Variants in HEMK2 observed in about 807,000 individuals in gnomAD.
HEMK2 encodes the protein methyltransferase HEMK2.
At chr21:28,639,476 A>T in the HEMK2 span, among the ~76,000 whole-genome samples, 2 of 152,230 alleles carry the variant, frequency 1.3e-5, no homozygotes, top group Non-Finnish European at 1.5e-5. Flanking sequence ...GAAATCAGGT[A>T]ATAATAGAAA....
At chr21:28,580,605 C>T in the HEMK2 span, among the ~76,000 whole-genome samples, 4 of 151,968 alleles carry the variant, frequency 2.6e-5, no homozygotes, top group Admixed American at 6.6e-5. Context: ...AAAGCAACAG[C>T]TTTAGTATGC....
At chr21:28,837,528 T>C in the HEMK2 span, among the ~76,000 whole-genome samples, 1 of 152,260 alleles carries the variant, frequency 6.6e-6, no homozygotes, top group East Asian at 1.9e-4. Context: ...TCAAAACCTC[T>C]GGGATACAGC....
the HEMK2 span, among the ~76,000 whole-genome samples, chr21:28,771,522 C>CCCA: frequency 1.7e-5 from 2 of 119,160 alleles, no homozygotes; most frequent in African/African-American, 5.7e-5. Flanking sequence ...TGCACCACCC[C>CCCA]CCCCCGCCAA....
chr21:28,725,253 T>C, the HEMK2 span, among the ~76,000 whole-genome samples: 1 of 152,168 alleles, frequency 6.6e-6, no homozygotes, highest in Admixed American at 6.5e-5. Context: ...ATCTATTCCA[T>C]GTAAGTAAGT....
the HEMK2 span, among the ~76,000 whole-genome samples, chr21:28,825,050 TA>T: frequency 6.6e-6 from 1 of 152,080 alleles, no homozygotes; most frequent in African/African-American, 2.4e-5. Context: ...AATGGGAGTT[TA>T]AGGTTAGTTA....
At chr21:28,881,082 T>C in the HEMK2 span, among the ~76,000 whole-genome samples, 1 of 152,226 alleles carries the variant, frequency 6.6e-6, no homozygotes. Context: ...ATTTGACATA[T>C]ATAAATTAAA....
chr21:28,601,785 T>C, the HEMK2 span, among the ~76,000 whole-genome samples: 3 of 152,210 alleles, frequency 2.0e-5, no homozygotes, highest in Middle Eastern at 3.2e-3. Context: ...ACACAGACTG[T>C]ATTTGTTGAA....
At chr21:28,786,646 G>C in the HEMK2 span, among the ~76,000 whole-genome samples, 2 of 150,656 alleles carry the variant, frequency 1.3e-5, no homozygotes, top group African/African-American at 4.9e-5. Context: ...ACTCCAGCCT[G>C]GGTGATAAGA....
At chr21:28,805,125 T>C in the HEMK2 span, among the ~76,000 whole-genome samples, 1 of 152,198 alleles carries the variant, frequency 6.6e-6, no homozygotes, top group Admixed American at 6.5e-5. Flanking sequence ...AATTAAACAA[T>C]TTATCAGGGC....
chr21:28,599,109 G>A, the HEMK2 span, among the ~76,000 whole-genome samples: 3 of 152,204 alleles, frequency 2.0e-5, no homozygotes, highest in Non-Finnish European at 4.4e-5. Context: ...ATATAGTTGA[G>A]AGGATTCAGA....
the HEMK2 span, among the ~76,000 whole-genome samples, chr21:28,696,758 T>G: frequency 6.6e-6 from 1 of 152,220 alleles, no homozygotes; most frequent in Non-Finnish European, 1.5e-5. Flanking sequence ...TACCTAGACA[T>G]CCAGGAATTT....
At chr21:28,722,095 G>A in the HEMK2 span, among the ~76,000 whole-genome samples, 1 of 151,654 alleles carries the variant, frequency 6.6e-6, no homozygotes, top group Non-Finnish European at 1.5e-5. Flanking sequence ...GCAAGGTTTT[G>A]CAAAAATTGA....
chr21:28,676,933 G>A, the HEMK2 span, among the ~76,000 whole-genome samples: 31 of 152,282 alleles, frequency 2.0e-4, no homozygotes, highest in African/African-American at 6.7e-4. Context: ...CAAGATGGCC[G>A]AATAGGAACA....
the HEMK2 span, among the ~76,000 whole-genome samples, chr21:28,676,951 T>C: frequency 7.2e-5 from 11 of 152,220 alleles, no homozygotes; most frequent in Admixed American, 6.5e-5. Flanking sequence ...ACAGCTCCAG[T>C]CTACAGCTCC....
chr21:28,776,486 G>T, the HEMK2 span, among the ~76,000 whole-genome samples: 8 of 152,314 alleles, frequency 5.3e-5, no homozygotes, highest in South Asian at 1.7e-3. Flanking sequence ...GTGGACTGTG[G>T]TTGTATTAGT....
At chr21:28,855,726 C>A in the HEMK2 span, among the ~76,000 whole-genome samples, 1 of 152,196 alleles carries the variant, frequency 6.6e-6, no homozygotes, top group East Asian at 1.9e-4. Context: ...TAAAACCATG[C>A]AATTACATGG....
the HEMK2 span, among the ~76,000 whole-genome samples, chr21:28,730,255 C>G: frequency 0.51 from 77,473 of 151,436 alleles, 22,766 homozygotes; most frequent in East Asian, 0.82. Flanking sequence ...GTGGGATGAG[C>G]CTGTAGTCAC....
At chr21:28,831,728 AAG>A in the HEMK2 span, among the ~76,000 whole-genome samples, 36 of 140,924 alleles carry the variant, frequency 2.6e-4, no homozygotes, top group East Asian at 3.5e-3. Context: ...GGAAGGAAGG[AAG>A]GAAGGAAAGA....
the HEMK2 span, among the ~76,000 whole-genome samples, chr21:28,798,487 T>TA: frequency 6.6e-6 from 1 of 151,226 alleles, no homozygotes; most frequent in Non-Finnish European, 1.5e-5. Context: ...ACCATGCTAA[T>TA]AACTGAATAA....
Sources: allele counts gnomAD v4.1 joint callset (sites outside exome capture counted in the v4.1 genomes callset), GRCh38; gene constraint gnomAD v4.1.1; transcripts MANE v1.5; gene names NCBI Gene and HGNC (gene_info 2026-07-23, HGNC 2026-07-21).